GABRB1: variants seen among roughly 807,000 people sequenced by gnomAD.
GABRB1 encodes the protein gamma-aminobutyric acid type A receptor subunit beta1, also known as gamma-aminobutyric acid receptor subunit beta-1.
GABRB1 carries 17 observed loss-of-function variants against 51.6 expected under a neutral mutation model. The ratio of observed to expected loss-of-function variants is 0.33; its 90% CI spans 0.23 to 0.49. GABRB1 has a LOEUF of 0.49. GABRB1 is among the 20% of genes least tolerant of loss of function. The probability of loss-of-function intolerance (pLI) is 0.99; values close to 1 mark genes in which losing one functional copy is unlikely to be tolerated. For synonymous variants in GABRB1, 247 were observed against 218.9 expected, an observed-to-expected ratio of 1.13 and a Z score of -1.14; for missense variants, 410 against 600.6, an observed-to-expected ratio of 0.68 and a Z score of 3.32.
chr4:47,365,739 G>T (rs751449231), intron 5 of GABRB1, among the ~76,000 whole-genome samples: 3 of 152,108 alleles, frequency 2.0e-5, no homozygotes, highest in Non-Finnish European at 4.4e-5. Context: ...CATCGCCATG[G>T]ATTGACTCCA....
intron 3 of GABRB1, among the ~76,000 whole-genome samples, chr4:47,153,594 C>T (rs1375969861): frequency 6.6e-6 from 1 of 152,028 alleles, no homozygotes; most frequent in Non-Finnish European, 1.5e-5. Flanking sequence ...TACTGAGTCT[C>T]ATGCCATGCG....
chr4:47,245,815 TTTTC>T (rs1202710940), intron 4 of GABRB1, among the ~76,000 whole-genome samples: 9 of 151,534 alleles, frequency 5.9e-5, no homozygotes, highest in South Asian at 2.1e-4. Context: ...TTCGTTTTTC[TTTTC>T]TTTCTTTCTT....
At chr4:47,294,392 C>A (rs1478761196) in intron 4 of GABRB1, among the ~76,000 whole-genome samples, 2 of 152,208 alleles carry the variant, frequency 1.3e-5, no homozygotes, top group Non-Finnish European at 2.9e-5. Context: ...AAAATCGGGT[C>A]ACTCCCACCC....
At chr4:47,386,398 A>C (rs1283329552) in intron 5 of GABRB1, among the ~76,000 whole-genome samples, 2 of 152,214 alleles carry the variant, frequency 1.3e-5, no homozygotes, top group East Asian at 3.8e-4. Context: ...GAAGACAAAT[A>C]AAATGTAGAG....
At chr4:47,343,762 T>G (rs552548687) in intron 5 of GABRB1, among the ~76,000 whole-genome samples, 7 of 152,286 alleles carry the variant, frequency 4.6e-5, no homozygotes, top group Non-Finnish European at 8.8e-5. Context: ...AGAATTGTAG[T>G]TACATTTATA....
At chr4:47,378,307 T>G (rs983277558) in intron 5 of GABRB1, among the ~76,000 whole-genome samples, 29 of 152,300 alleles carry the variant, frequency 1.9e-4, no homozygotes, top group African/African-American at 6.7e-4. Flanking sequence ...GCTAAGCCCC[T>G]CATTGCCTGG....
chr4:47,016,860 G>A (rs1360242943), intron 1 of GABRB1, among the ~76,000 whole-genome samples: 1 of 152,170 alleles, frequency 6.6e-6, no homozygotes, highest in South Asian at 2.1e-4. Context: ...AAAGTGCTGG[G>A]ATTACAGGAC....
chr4:47,405,826 CCAT>C lies in GABRB1; in HGVS notation c.836-850_836-848del, dbSNP rs199572816. 2.0e-4 allele frequency among the ~76,000 whole-genome samples: 31 copies of C among 152,256 alleles called. No individual in the cohort carries two copies. In the East Asian group the frequency reaches 4.4e-3, roughly 22 times the overall value. On this transcript the variant is annotated intron_variant, in intron 7 of 8. Transcript: ENST00000295454. ...TTTCACAATTATCACTTCATCACCA[CCAT>C]CATCAACACAAAATATTTGTTATAC...
intron 4 of GABRB1, among the ~76,000 whole-genome samples, chr4:47,172,236 A>G (rs1718469797): frequency 6.6e-6 from 1 of 152,196 alleles, no homozygotes; most frequent in Non-Finnish European, 1.5e-5. Flanking sequence ...TACAATAAAC[A>G]TATTTTTAAG....
chr4:47,387,907 G>T (rs1727855777), intron 5 of GABRB1, among the ~76,000 whole-genome samples: 1 of 152,154 alleles, frequency 6.6e-6, no homozygotes, highest in African/African-American at 2.4e-5. Context: ...AGGGTCAGGA[G>T]ATCTAATGGT....
At chr4:47,323,633 G>C (rs911992071) in intron 5 of GABRB1, among the ~76,000 whole-genome samples, 30 of 152,194 alleles carry the variant, frequency 2.0e-4, no homozygotes, top group Non-Finnish European at 1.6e-4. Flanking sequence ...ACTGATGTAA[G>C]ATTGAACCAA....
intron 4 of GABRB1, among the ~76,000 whole-genome samples, chr4:47,170,331 T>C (rs1039675203): frequency 2.6e-5 from 4 of 151,796 alleles, no homozygotes; most frequent in Non-Finnish European, 5.9e-5. Context: ...GTCTTCATGA[T>C]AAAGCAAAGT....
chr4:47,192,828 G>A (rs1265817862), intron 4 of GABRB1, among the ~76,000 whole-genome samples: 1 of 152,088 alleles, frequency 6.6e-6, no homozygotes, highest in African/African-American at 2.4e-5. Context: ...GAAGTTCTAA[G>A]GCACTTTTTA....
intron 5 of GABRB1, among the ~76,000 whole-genome samples, chr4:47,400,346 C>A (rs919589644): frequency 6.6e-6 from 1 of 152,170 alleles, no homozygotes; most frequent in East Asian, 1.9e-4. Context: ...CTAGATGATA[C>A]CTAAATCTAG....
At position 47,191,119 on chromosome 4, in the gene GABRB1, A is replaced by T. The variant is rs939186744; in HGVS notation, c.461+29650A>T. Among the ~76,000 whole-genome samples the T allele has an allele frequency of 1.1e-4, 17 of 152,278 alleles. 1 individual carries two copies. Among genetic ancestry groups the T allele is most frequent in the Admixed American group, 9.2e-4 (14 of 15,280 alleles). On this transcript the variant is annotated intron_variant, in intron 4 of 8. Transcript: ENST00000295454. ...ACAGAAGACAATAACTAAAGAAAAG[A>T]TGATCAGCAGATCAGAGAATCAGCA...
intron 4 of GABRB1, among the ~76,000 whole-genome samples, chr4:47,194,303 C>T (rs1199308350): frequency 2.6e-5 from 4 of 152,126 alleles, no homozygotes; most frequent in Admixed American, 6.6e-5. Context: ...AAGAACTACA[C>T]AATAATATAC....
intron 3 of GABRB1, among the ~76,000 whole-genome samples, chr4:47,058,650 G>A (rs1256515341): frequency 6.6e-6 from 1 of 152,168 alleles, no homozygotes; most frequent in Non-Finnish European, 1.5e-5. Flanking sequence ...GGCTGAGGGA[G>A]CTGTTGGTGG....
intron 4 of GABRB1, among the ~76,000 whole-genome samples, chr4:47,184,041 T>A (rs1719066104): frequency 6.6e-6 from 1 of 151,952 alleles, no homozygotes; most frequent in Admixed American, 6.6e-5. Context: ...ACTCAGAATG[T>A]CATGATTGGC....
At chr4:47,177,275 A>G (rs1196251754) in intron 4 of GABRB1, among the ~76,000 whole-genome samples, 1 of 152,128 alleles carries the variant, frequency 6.6e-6, no homozygotes, top group Non-Finnish European at 1.5e-5. Context: ...CTTGTGTTAA[A>G]TAATGTAAGA....
Sources: gnomAD v4.1 joint callset for allele counts (sites outside exome capture counted in the v4.1 genomes callset) on GRCh38, gnomAD v4.1.1 for gene constraint, MANE v1.5 for transcripts, NCBI Gene and HGNC (gene_info 2026-07-23, HGNC 2026-07-21) for gene names.